Variants in DGKB observed in about 807,000 individuals in gnomAD.
The protein encoded by DGKB is 90 kDa diacylglycerol kinase.
Under a neutral mutation model 114.3 loss-of-function variants are expected in DGKB, and 67 were observed. The observed-to-expected ratio is 0.59, with a 90% CI of 0.48 to 0.72. The LOEUF (loss-of-function observed/expected upper bound fraction) is 0.72. Ranked by LOEUF, DGKB falls within the 30% of genes least tolerant of loss-of-function variation. The probability of loss-of-function intolerance (pLI) is 0.00; values close to 1 mark genes in which losing one functional copy is unlikely to be tolerated. For synonymous variants in DGKB, 398 were observed against 323.1 expected (o/e 1.23, Z -2.49); for missense variants, 907 against 975.2 (o/e 0.93, Z 0.93).
intron 21 of DGKB, among the ~76,000 whole-genome samples, chr7:14,401,189 A>G (rs191603338): frequency 6.8e-4 from 103 of 152,002 alleles, no homozygotes; most frequent in Non-Finnish European, 1.3e-3. Context: ...ATAATCCAAA[A>G]TGTCTTCCAT....
At chr7:14,747,244 G>C (rs187274094) in intron 4 of DGKB, among the ~76,000 whole-genome samples, 1 of 144,046 alleles carries the variant, frequency 6.9e-6, no homozygotes, top group African/African-American at 2.6e-5. Context: ...TCAGATTGGA[G>C]TACTGTGGCC....
chr7:14,370,276 C>T (rs570088044), intron 21 of DGKB, among the ~76,000 whole-genome samples: 4 of 151,974 alleles, frequency 2.6e-5, no homozygotes, highest in South Asian at 2.1e-4. Flanking sequence ...GCATTATTTC[C>T]GAGGCCTCTG....
At chr7:14,690,186 C>G (rs775761842) in intron 9 of DGKB, among the ~76,000 whole-genome samples, 3 of 152,106 alleles carry the variant, frequency 2.0e-5, no homozygotes, top group South Asian at 2.1e-4. Context: ...GAAATTGAAG[C>G]CTTATTAATT....
At chr7:14,874,673 G>C (rs1045705449) in intron 1 of DGKB, among the ~76,000 whole-genome samples, 1 of 151,898 alleles carries the variant, frequency 6.6e-6, no homozygotes. Context: ...AGAAGTGGGG[G>C]AATATTGCTA....
chr7:14,609,081 AC>A (rs961152908), intron 16 of DGKB, among the ~76,000 whole-genome samples: 1 of 152,114 alleles, frequency 6.6e-6, no homozygotes, highest in African/African-American at 2.4e-5. Context: ...TTCATGTTTA[AC>A]CAAAAAACAG....
At position 14,922,946 on chromosome 7, in the gene DGKB, A is replaced by C. The variant is rs145459062; in HGVS notation, c.-188+51750T>G. 3.0e-3 allele frequency among the ~76,000 whole-genome samples: 453 copies of C among 152,310 alleles called. 4 individuals are homozygous for C. The highest frequency in any genetic ancestry group is 0.011 in the African/African-American group (441 of 41,582). ...ATCACTATGCAGTCAATAGAGCACTAAAATATATTCCTTCAGTCTAACTGA... is the reference window on the plus strand; with the variant it reads ...ATCACTATGCAGTCAATAGAGCACTCAAATATATTCCTTCAGTCTAACTGA... On this transcript the variant is annotated intron_variant, in intron 1 of 4. Transcript: ENST00000437998.
chr7:14,642,090 C>T (rs1811911088), intron 13 of DGKB, among the ~76,000 whole-genome samples: 1 of 152,060 alleles, frequency 6.6e-6, no homozygotes, highest in Non-Finnish European at 1.5e-5. Context: ...TCGTAATCCT[C>T]TTCTCCAGAT....
chr7:14,644,469 C>T (rs913226610), intron 13 of DGKB, among the ~76,000 whole-genome samples: 3 of 152,040 alleles, frequency 2.0e-5, no homozygotes, highest in South Asian at 4.1e-4. Flanking sequence ...TAGGCAATAC[C>T]GTGATATCAA....
chr7:14,619,285 T>G (rs1214891768), intron 15 of DGKB, among the ~76,000 whole-genome samples: 1 of 151,650 alleles, frequency 6.6e-6, no homozygotes, highest in African/African-American at 2.4e-5. Flanking sequence ...AGTTATTATC[T>G]GGTTAGAGAG....
intron 21 of DGKB, among the ~76,000 whole-genome samples, chr7:14,354,421 C>G (rs1399166019): frequency 6.6e-6 from 1 of 152,116 alleles, no homozygotes; most frequent in Non-Finnish European, 1.5e-5. Flanking sequence ...AACCCTCTTT[C>G]TGGTAGAATA....
At chr7:14,314,914 T>C (rs1300981599) in intron 23 of DGKB, among the ~76,000 whole-genome samples, 1 of 151,782 alleles carries the variant, frequency 6.6e-6, no homozygotes, top group East Asian at 1.9e-4. Flanking sequence ...GGGAAGCCCA[T>C]CAGACTAACA....
intron 1 of DGKB, among the ~76,000 whole-genome samples, chr7:14,853,554 T>C (rs1254119106): frequency 1.3e-5 from 2 of 151,938 alleles, no homozygotes; most frequent in African/African-American, 4.8e-5. Context: ...TAAAACATTT[T>C]TGAAATATAA....
chr7:14,151,179 A>G (rs919513526), intron 25 of DGKB, among the ~76,000 whole-genome samples: 2 of 152,124 alleles, frequency 1.3e-5, no homozygotes, highest in Non-Finnish European at 2.9e-5. Context: ...AGCTAAAGTA[A>G]GAAGGTTGAG....
At chr7:14,792,397 T>C (rs1840787754) in intron 2 of DGKB, among the ~76,000 whole-genome samples, 1 of 152,170 alleles carries the variant, frequency 6.6e-6, no homozygotes, top group Non-Finnish European at 1.5e-5. Context: ...AGAAAGGGAA[T>C]AGATAATATC....
intron 17 of DGKB, among the ~76,000 whole-genome samples, chr7:14,590,075 G>A (rs1236604436): frequency 6.6e-6 from 1 of 151,448 alleles, no homozygotes; most frequent in African/African-American, 2.4e-5. Context: ...ACACGTTAGT[G>A]GGTGCAGCGC....
chr7:14,607,424 T>A lies in DGKB; in HGVS notation c.1433+10A>T, dbSNP rs759167914. 7.1e-7 allele frequency: 1 copy of A among 1,417,202 alleles called. No individual in the cohort carries two copies. The allele number at this position is 1,417,202 out of a possible 1,614,324, so 87.8% of individuals were successfully genotyped here. ...TGAGTTAATGGTAATAATATTATCC[T>A]TGGACTTACCCTGGCATTGGTCCAT... On this transcript the variant is annotated intron_variant, in intron 17 of 25. Transcript: ENST00000402815.
At chr7:14,606,084 A>G (rs961103386) in intron 17 of DGKB, among the ~76,000 whole-genome samples, 1 of 152,146 alleles carries the variant, frequency 6.6e-6, no homozygotes, top group Non-Finnish European at 1.5e-5. Context: ...ACAGTTTTGA[A>G]TGCACAATAT....
rs138868829 is a variant in DGKB, at chr7:14,699,858, T to C, written c.517-1689A>G. ...AATATTGGGACTATAGTTCTAAATA[T>C]TGCTAGTAGTCTACTGTATATGCTA... On this transcript the variant is annotated intron_variant, in intron 7 of 25. Coordinates refer to ENST00000402815, the MANE Select transcript of DGKB (RefSeq NM_001350709.2). Among the ~76,000 whole-genome samples, 5 of 152,204 alleles carry C rather than the reference T, an allele frequency of 3.3e-5. No individual in the cohort carries two copies. The East Asian group carries it at 9.7e-4, about 29-fold the overall frequency.
intron 23 of DGKB, among the ~76,000 whole-genome samples, chr7:14,239,028 A>G (rs1165103630): frequency 1.3e-5 from 2 of 152,042 alleles, no homozygotes; most frequent in African/African-American, 4.8e-5. Flanking sequence ...GCCCACTCCC[A>G]CTGCCTAACT....
Sources: gnomAD v4.1 joint callset for allele counts (sites outside exome capture counted in the v4.1 genomes callset) on GRCh38, gnomAD v4.1.1 for gene constraint, MANE v1.5 for transcripts, NCBI Gene and HGNC (gene_info 2026-07-23, HGNC 2026-07-21) for gene names.